OGA: variants seen among roughly 807,000 people sequenced by gnomAD.
The protein encoded by OGA is protein O-GlcNAcase.
A neutral mutation model predicts 102.0 loss-of-function variants in OGA; 21 were observed. The observed-to-expected ratio is 0.21, with a 90% CI of 0.15 to 0.30. The LOEUF (loss-of-function observed/expected upper bound fraction) is 0.30, where lower values mean the gene tolerates loss of function less well. OGA is among the 10% of genes least tolerant of loss of function. The probability of loss-of-function intolerance (pLI) is 1.00; values close to 1 mark genes in which losing one functional copy is unlikely to be tolerated. For missense variants in OGA, 765 were observed against 1,107.8 expected, an observed-to-expected ratio of 0.69 and a Z score of 4.39; for synonymous variants, 408 against 378.2, an observed-to-expected ratio of 1.08 and a Z score of -0.91.
In OGA at chr10:101,808,701, G is replaced by C. The variant is rs568602243; in HGVS notation, c.481-800C>G. On this transcript the variant is annotated intron_variant, in intron 4 of 15. Transcript: ENST00000361464. The stretch of plus-strand genomic sequence containing the variant: ...ACAGAAAAATGGGGCCGGGCGCAGT[G>C]GCTCACACTTGTAATCCCAGCACTT... Among the ~76,000 whole-genome samples the C allele has an allele frequency of 1.2e-4, 18 of 152,300 alleles. 2 individuals are homozygous for C. In the South Asian group the frequency reaches 3.7e-3, roughly 32 times the overall value.
Position 101,791,372 on chromosome 10 carries a change from G to T in OGA, c.2243C>A (p.Pro748His). 1 of 1,613,550 alleles carries T rather than the reference G, an allele frequency of 6.2e-7. No homozygotes were observed. The highest frequency in any genetic ancestry group is 8.5e-7 in the Non-Finnish European group (1 of 1,179,522). ...CACATACTTGTCTCCAATAAGATCA[G>T]GCTGACTTTGAAAGGGTAAACCCAC... is the stretch of plus-strand genomic sequence containing the variant. ...DGVGLPFQSQ[P>H]DLIGDKLVGG... The change falls in exon 13 of 16, where the codon CCT (proline) becomes CAT (histidine). Residue 748 changes from proline to histidine, a missense_variant. Physicochemically the swap from Pro to His is moderately conservative, Grantham distance 77. This residue lies in a region of OGA where 146 missense variants were observed against 269.7 expected (regional missense o/e 0.54). Coordinates refer to ENST00000361464, the MANE Select transcript of OGA (RefSeq NM_012215.5).
rs2065586020 is a variant in OGA, at chr10:101,813,682, AAC to A, written c.200-78_200-77del. On this transcript the variant is annotated intron_variant, in intron 1 of 15. Transcript: ENST00000361464. ...CTTTATTGAGAAAAGCAAGTTACAA[AAC>A]ATATAATACAATCCTATTTTGTAAA... The A allele has an allele frequency of 4.7e-6, 4 of 843,992 alleles. No individual in the cohort carries two copies. In the Admixed American group the frequency reaches 9.3e-5, roughly 20 times the overall value. 52.3% of individuals were successfully genotyped at this position (843,992 alleles called of 1,614,324 possible).
At chr10:101,789,192 T>C (rs988977164) in intron 14 of OGA, among the ~76,000 whole-genome samples, 1 of 152,126 alleles carries the variant, frequency 6.6e-6, no homozygotes, top group African/African-American at 2.4e-5. Context: ...AGGTAAAATA[T>C]AGAAATAAAC....
rs187570824 is a variant in OGA, at chr10:101,794,118, C to T, written c.1985-120G>A. The T allele has an allele frequency of 8.6e-4, 556 of 645,618 alleles. 1 individual carries two copies. Among genetic ancestry groups the T allele is most frequent in the Non-Finnish European group, 1.2e-3 (445 of 361,212 alleles). 40.0% of individuals were successfully genotyped at this position (645,618 alleles called of 1,614,324 possible). ...AACTCTCTAACAATAATCAGGGTTT[C>T]AGGGCAAGGCTATGATAATAATTAT... On this transcript the variant is annotated intron_variant, in intron 10 of 15. Transcript: ENST00000361464.
intron 7 of OGA, among the ~76,000 whole-genome samples, chr10:101,801,230 A>G (rs1234331790): frequency 6.6e-6 from 1 of 151,852 alleles, no homozygotes; most frequent in African/African-American, 2.4e-5. Flanking sequence ...ATCTCTACTA[A>G]AAATACAAAA....
intron 10 of OGA, 125 bp from the exon 11 acceptor site, chr10:101,794,123 C>T: frequency 3.2e-6 from 2 of 626,538 alleles, no homozygotes; most frequent in Non-Finnish European, 5.7e-6. Flanking sequence ...GGTTTCAGGG[C>T]AAGGCTATGA....
At chr10:101,791,903 T>C (rs1467186412) in intron 12 of OGA, among the ~76,000 whole-genome samples, 1 of 152,112 alleles carries the variant, frequency 6.6e-6, no homozygotes, top group South Asian at 2.1e-4. Flanking sequence ...CTTGGCTCAC[T>C]GCAACCTCCG....
At chr10:101,789,355 G>A (rs899009651) in intron 14 of OGA, among the ~76,000 whole-genome samples, 14 of 152,004 alleles carry the variant, frequency 9.2e-5, no homozygotes, top group Admixed American at 6.6e-4. Flanking sequence ...AAAATTATCC[G>A]GGCGTGGTGG....
At chr10:101,794,037 AG>A (rs1452261962) in intron 10 of OGA, 39 bp from the exon 11 acceptor site, 1 of 1,487,496 alleles carries the variant, frequency 6.7e-7, no homozygotes, top group Non-Finnish European at 9.4e-7. Context: ...GTTACGAGAA[AG>A]GGGATTTCCT....
intron 10 of OGA, chr10:101,797,036 T>TC (rs1564642579): frequency 6.6e-6 from 1 of 152,106 alleles, no homozygotes; most frequent in African/African-American, 2.4e-5. Flanking sequence ...AACTTTTTTT[T>TC]TTTTTTTTTA....
chr10:101,789,926 C>T (rs955826470), intron 14 of OGA, among the ~76,000 whole-genome samples: 3 of 152,162 alleles, frequency 2.0e-5, no homozygotes, highest in African/African-American at 7.2e-5. Flanking sequence ...CTGCAGTGAG[C>T]CATGTTTGTG....
intron 7 of OGA, among the ~76,000 whole-genome samples, chr10:101,802,463 C>T (rs1190412207): frequency 6.6e-6 from 1 of 152,138 alleles, no homozygotes; most frequent in African/African-American, 2.4e-5. Flanking sequence ...CACCTGAGGT[C>T]AGGAGTTCAA....
intron 4 of OGA, among the ~76,000 whole-genome samples, chr10:101,809,040 A>T (rs2065513990): frequency 6.6e-6 from 1 of 152,058 alleles, no homozygotes; most frequent in African/African-American, 2.4e-5. Context: ...CATTAAGCAG[A>T]CTTTACACTC....
At chr10:101,790,861 C>A in intron 14 of OGA, 35 bp downstream of exon 14, 1 of 1,392,162 alleles carries the variant, frequency 7.2e-7, no homozygotes, top group East Asian at 2.5e-5. Flanking sequence ...TAAAAAAGAC[C>A]ATTACCATAG....
At chr10:101,788,666 C>T (rs947082607) in intron 14 of OGA, among the ~76,000 whole-genome samples, 28 of 149,228 alleles carry the variant, frequency 1.9e-4, no homozygotes, top group African/African-American at 6.4e-4. Flanking sequence ...ACCTGGGAGG[C>T]GGAGGTTGCA....
rs1006756315 is a variant in OGA at position 101,786,369 on chromosome 10, G to A, written c.*82C>T. On this transcript the variant is annotated 3_prime_UTR_variant, in exon 16 of 16. Transcript: ENST00000361464. ...TTGGCTGATTTGTTACCATTCTAGA[G>A]GCTGAACTGTATGAAGACCTCAACT... 4 of 1,362,836 alleles carry A rather than the reference G, an allele frequency of 2.9e-6. No individual in the cohort carries two copies. In the African/African-American group the frequency reaches 5.9e-5, roughly 20 times the overall value. The allele number at this position is 1,362,836 out of a possible 1,614,324, so 84.4% of individuals were successfully genotyped here.
intron 7 of OGA, 57 bp from the exon 8 acceptor site, chr10:101,800,457 A>AC (rs1276587098): frequency 1.4e-6 from 2 of 1,383,758 alleles, no homozygotes; most frequent in African/African-American, 2.9e-5. Context: ...AAGCCTTCTG[A>AC]CAAGTGAGAA....
rs1458443463 is a variant in OGA at position 101,810,327 on chromosome 10, G to A, written c.350-13C>T. On this transcript the variant is annotated splice_polypyrimidine_tract_variant and intron_variant, in intron 3 of 15. Coordinates refer to ENST00000361464, the MANE Select transcript of OGA (RefSeq NM_012215.5). The stretch of plus-strand genomic sequence containing the variant: ...GTCATAAGTTGCTCTAAAGAACAGA[G>A]TCTATGTTTTTAGAAAGCAGAACAG... 1.9e-5 allele frequency: 31 copies of A among 1,595,246 alleles called. No individual in the cohort carries two copies. Among genetic ancestry groups the A allele is most frequent in the Non-Finnish European group, 2.5e-5 (29 of 1,173,210 alleles).
At chr10:101,803,272 C>T (rs547018833) in intron 7 of OGA, among the ~76,000 whole-genome samples, 10 of 151,436 alleles carry the variant, frequency 6.6e-5, no homozygotes, top group Admixed American at 5.9e-4. Flanking sequence ...ACATTTTATC[C>T]GAATGATTCT....
Sources: gnomAD v4.1 joint callset for allele counts (sites outside exome capture counted in the v4.1 genomes callset) on GRCh38, gnomAD v4.1.1 for gene constraint, gnomAD v4.1.1 regional missense constraint, MANE v1.5 for transcripts, NCBI Gene and HGNC (gene_info 2026-07-23, HGNC 2026-07-21) for gene names.